The following CLRN1 variants were observed in gnomAD, a reference collection of about 807,000 sequenced individuals.
The protein encoded by CLRN1 is clarin-1.
A neutral mutation model predicts 18.7 loss-of-function variants in CLRN1; 15 were observed. That is an observed-to-expected ratio of 0.80 (90% CI 0.54 to 1.23). CLRN1 has a LOEUF of 1.23. CLRN1 is among the 50% of genes most tolerant of loss of function. The pLI, the probability that CLRN1 is intolerant of heterozygous loss-of-function variation, is 0.00. For synonymous variants in CLRN1, 104 were observed against 102.9 expected (o/e 1.01, Z -0.07); for missense variants, 311 against 277.5 (o/e 1.12, Z -0.86).
At chr3:150,963,499 T>A (rs1010542676) in intron 1 of CLRN1, among the ~76,000 whole-genome samples, 5 of 152,144 alleles carry the variant, frequency 3.3e-5, no homozygotes, top group African/African-American at 9.7e-5. Flanking sequence ...CCAAAGTAAC[T>A]TATAGATTCA....
chr3:150,952,582 A>G (rs947839653), intron 1 of CLRN1, among the ~76,000 whole-genome samples: 1 of 152,200 alleles, frequency 6.6e-6, no homozygotes, highest in Non-Finnish European at 1.5e-5. Flanking sequence ...TGCCTTCTGG[A>G]GCCTCCCTTA....
Position 150,957,375 on chromosome 3 carries a change from G to A in CLRN1, c.253+15081C>T, listed in dbSNP as rs1309261468. Among the ~76,000 whole-genome samples the A allele has an allele frequency of 2.0e-5, 3 of 151,948 alleles. No homozygotes were observed. The East Asian group carries it at 5.8e-4, about 29-fold the overall frequency. On this transcript the variant is annotated intron_variant, in intron 1 of 2. Transcript: ENST00000327047. The stretch of plus-strand genomic sequence containing the variant: ...CTTATCTCTGGGTCATGATCTCCCA[G>A]TCCCTCCTTAGCTCCTTCAGGGACC...
chr3:150,969,084 C>T (rs1715400876), intron 1 of CLRN1, among the ~76,000 whole-genome samples: 1 of 150,146 alleles, frequency 6.7e-6, no homozygotes. Flanking sequence ...ATGTAAAATA[C>T]ACTCTAGATT....
chr3:150,965,904 T>G (rs1715238163), intron 1 of CLRN1, among the ~76,000 whole-genome samples: 1 of 152,238 alleles, frequency 6.6e-6, no homozygotes, highest in Non-Finnish European at 1.5e-5. Flanking sequence ...AAGGGAGAAA[T>G]AAAACTTCTT....
intron 1 of CLRN1, among the ~76,000 whole-genome samples, chr3:150,943,223 G>A (rs1331192479): frequency 6.6e-6 from 1 of 152,206 alleles, no homozygotes; most frequent in African/African-American, 2.4e-5. Flanking sequence ...CTTTTGAGCT[G>A]AAAAGCCTGA....
At chr3:150,945,755 G>T in intron 1 of CLRN1, 1 of 820,690 alleles carries the variant, frequency 1.2e-6, no homozygotes, top group Non-Finnish European at 1.7e-6. Flanking sequence ...AAAGATGAAA[G>T]CATTTAGCAA....
chr3:150,957,180 T>C (rs1458832786), intron 1 of CLRN1, among the ~76,000 whole-genome samples: 4 of 152,082 alleles, frequency 2.6e-5, no homozygotes, highest in Non-Finnish European at 5.9e-5. Flanking sequence ...TTCAGCCTTT[T>C]CCTCTCTACT....
Position 150,927,004 on chromosome 3 carries a change from AT to A in CLRN1, c.*931del, listed in dbSNP as rs765065043. The A allele has an allele frequency of 8.0e-6, 12 of 1,502,272 alleles. No homozygotes were observed. The highest frequency in any genetic ancestry group is 7.2e-5 in the South Asian group (6 of 83,540). The allele number at this position is 1,502,272 out of a possible 1,614,324, so 93.1% of individuals were successfully genotyped here. A position where few individuals can be genotyped will look rare whatever the true frequency, so the allele number is the denominator to read the frequency against. On this transcript the variant is annotated 3_prime_UTR_variant, in exon 3 of 3. Coordinates refer to ENST00000327047, the MANE Select transcript of CLRN1 (RefSeq NM_174878.3). ...TCCCAGATTTAATATAATTTTCATA[AT>A]TGCATATTAGTACTCGAGACACTAT...
At position 150,941,452 on chromosome 3, in the gene CLRN1, GTTA is replaced by G. The variant is rs1713834475; in HGVS notation, c.433+127_433+129del. The stretch of plus-strand genomic sequence containing the variant: ...CAAGTGTGGTATTTCCACACTTTTT[GTTA>G]TTATGTATAATACTACAGTGTGCAT... On this transcript the variant is annotated intron_variant, in intron 2 of 2. Transcript: ENST00000327047. The G allele has an allele frequency of 2.5e-5, 23 of 936,470 alleles. No individual in the cohort carries two copies. The South Asian group carries it at 3.3e-4, about 13-fold the overall frequency. The allele number at this position is 936,470 out of a possible 1,614,324, so 58.0% of individuals were successfully genotyped here.
At chr3:150,961,204 C>T (rs954483556) in intron 1 of CLRN1, among the ~76,000 whole-genome samples, 1 of 152,174 alleles carries the variant, frequency 6.6e-6, no homozygotes, top group Non-Finnish European at 1.5e-5. Context: ...CTTCTGCCTT[C>T]CCTAACAGTA....
At chr3:150,929,743 C>G (rs1172115418) in intron 2 of CLRN1, among the ~76,000 whole-genome samples, 1 of 152,174 alleles carries the variant, frequency 6.6e-6, no homozygotes, top group Non-Finnish European at 1.5e-5. Flanking sequence ...ATCCTGATTC[C>G]TCCACTTACA....
intron 1 of CLRN1, among the ~76,000 whole-genome samples, chr3:150,949,400 A>AAG (rs1212682629): frequency 1.3e-5 from 2 of 152,190 alleles, no homozygotes; most frequent in African/African-American, 4.8e-5. Context: ...TCCAAGTAGG[A>AAG]AGAGAGGAAG....
rs192243866 is a variant in CLRN1, at chr3:150,957,283, G to A, written c.253+15173C>T. 7.2e-3 allele frequency among the ~76,000 whole-genome samples: 1,085 copies of A among 150,086 alleles called. 5 individuals are homozygous for A. The highest frequency in any genetic ancestry group is 0.011 in the Non-Finnish European group (738 of 67,474). On this transcript the variant is annotated intron_variant, in intron 1 of 2. Coordinates refer to ENST00000327047, the MANE Select transcript of CLRN1 (RefSeq NM_174878.3). ...CACACACACACACACCACCCCACCC[G>A]AAGCCTGGCCTTAGGGATCCTGTGG...
At chr3:150,929,283 C>T (rs1220002205) in intron 2 of CLRN1, among the ~76,000 whole-genome samples, 3 of 152,216 alleles carry the variant, frequency 2.0e-5, no homozygotes, top group South Asian at 4.1e-4. Context: ...GTGTCTCCCC[C>T]GAAGATGGAC....
chr3:150,936,440 A>C (rs1344729460), intron 2 of CLRN1, among the ~76,000 whole-genome samples: 1 of 152,116 alleles, frequency 6.6e-6, no homozygotes, highest in Non-Finnish European at 1.5e-5. Context: ...TTTAGTGCTG[A>C]GCTCTTCTCC....
intron 1 of CLRN1, among the ~76,000 whole-genome samples, chr3:150,946,410 T>C (rs1365474678): frequency 6.6e-6 from 1 of 152,146 alleles, no homozygotes; most frequent in African/African-American, 2.4e-5. Flanking sequence ...CTGGCATGTG[T>C]GTCTAGGCAG....
intron 1 of CLRN1, among the ~76,000 whole-genome samples, chr3:150,970,743 A>G (rs1715491874): frequency 6.6e-6 from 1 of 152,152 alleles, no homozygotes; most frequent in South Asian, 2.1e-4. Flanking sequence ...GAGATAAGTG[A>G]GGGTACTGTT....
At chr3:150,938,398 G>C (rs1304706859) in intron 2 of CLRN1, among the ~76,000 whole-genome samples, 1 of 152,104 alleles carries the variant, frequency 6.6e-6, no homozygotes, top group Admixed American at 6.6e-5. Flanking sequence ...ACACAATTGG[G>C]TCTTAGAGCC....
chr3:150,941,736 G>C lies in CLRN1; in HGVS notation c.279C>G (p.Ile93Met). The change falls in exon 2 of 3, where the codon ATC becomes ATG. Residue 93 changes from isoleucine to methionine, a missense_variant. Transcript: ENST00000327047. ...TGACATTGACGTGGATGCTCACTGG[G>C]ATTGCTTTGAGCAAATCTGGAAAAA... ...FSFFPDLLKA[I>M]PVSIHVNVIL... 6.2e-7 allele frequency: 1 copy of C among 1,614,008 alleles called. No individual in the cohort carries two copies. The highest frequency in any genetic ancestry group is 8.5e-7 in the Non-Finnish European group (1 of 1,179,918).
Sources: allele counts gnomAD v4.1 joint callset (sites outside exome capture counted in the v4.1 genomes callset), GRCh38; gene constraint gnomAD v4.1.1; transcripts MANE v1.5; gene names NCBI Gene and HGNC (gene_info 2026-07-23, HGNC 2026-07-21).